The following RAD52 variants were observed in gnomAD, a reference collection of about 807,000 sequenced individuals.
RAD52 encodes RAD52 DNA repair protein, also known as DNA repair protein RAD52 homolog.
In RAD52, 47 loss-of-function variants were observed where a neutral mutation model predicts 55.5. The observed-to-expected ratio is 0.85, with a 90% CI of 0.67 to 1.08. RAD52 has a LOEUF of 1.08. Among genes scored for constraint, RAD52 ranks in the 50% least tolerant of loss-of-function variants. The probability of loss-of-function intolerance (pLI) is 0.00; values close to 1 mark genes in which losing one functional copy is unlikely to be tolerated. For synonymous variants in RAD52, 184 were observed against 198.9 expected (o/e 0.92, Z 0.63); for missense variants, 468 against 522.8 (o/e 0.90, Z 1.02).
intron 11 of RAD52, 61 bp downstream of exon 11, chr12:913,833 A>C (rs1222163936): frequency 4.1e-6 from 6 of 1,470,624 alleles, no homozygotes; most frequent in Non-Finnish European, 5.7e-6. Context: ...TTCCTCAAAA[A>C]TTCCCAGAAT....
intron 5 of RAD52, among the ~76,000 whole-genome samples, chr12:928,926 G>A (rs1375376362): frequency 4.6e-5 from 7 of 152,068 alleles, no homozygotes; most frequent in East Asian, 1.9e-4. Flanking sequence ...GTTCAGTGGC[G>A]CAATCACAGC....
chr12:953,622 A>C (rs1446648027), upstream of RAD52, among the ~76,000 whole-genome samples: 1 of 152,186 alleles, frequency 6.6e-6, no homozygotes, highest in East Asian at 1.9e-4. Context: ...CAAGTTCTTT[A>C]ATCTGGGACT....
upstream of RAD52, chr12:990,442 C>G (rs1235152312): frequency 6.6e-6 from 1 of 152,132 alleles, no homozygotes; most frequent in African/African-American, 2.4e-5. Flanking sequence ...CCCAGCCGCC[C>G]GCCGATTCGC....
At chr12:952,871 G>T (rs1241531191), upstream of RAD52, among the ~76,000 whole-genome samples, 1 of 120,680 alleles carries the variant, frequency 8.3e-6, no homozygotes, top group African/African-American at 3.2e-5. Flanking sequence ...GAGCCTGGGC[G>T]ACAAGAACAA....
intron 1 of RAD52, among the ~76,000 whole-genome samples, chr12:948,998 C>T (rs551342973): frequency 4.5e-4 from 68 of 152,260 alleles, no homozygotes; most frequent in African/African-American, 1.6e-3. Flanking sequence ...CGCGCCAGAC[C>T]TCTATCTCAA....
At chr12:936,617 A>T (rs1957646875) in intron 1 of RAD52, among the ~76,000 whole-genome samples, 1 of 152,008 alleles carries the variant, frequency 6.6e-6, no homozygotes, top group South Asian at 2.1e-4. Flanking sequence ...TGCGGCCTCC[A>T]GAGTAGACAG....
intron 1 of RAD52, among the ~76,000 whole-genome samples, chr12:978,216 CT>C (rs1201842596): frequency 8.1e-5 from 12 of 147,886 alleles, no homozygotes; most frequent in Non-Finnish European, 9.0e-5. Flanking sequence ...GCTAATTTTT[CT>C]TTTTTTTTTG....
At chr12:919,508 G>A (rs1956593766) in intron 7 of RAD52, among the ~76,000 whole-genome samples, 1 of 152,094 alleles carries the variant, frequency 6.6e-6, no homozygotes, top group South Asian at 2.1e-4. Context: ...AACTTTGGGA[G>A]GCCAAGGCAG....
chr12:917,954 A>G (rs1305398122), intron 7 of RAD52, among the ~76,000 whole-genome samples: 2 of 152,068 alleles, frequency 1.3e-5, no homozygotes, highest in Non-Finnish European at 2.9e-5. Context: ...AAAAGAAACG[A>G]GCTTTGAAAA....
chr12:967,025 A>C (rs1958780141), intron 1 of RAD52, among the ~76,000 whole-genome samples: 1 of 151,980 alleles, frequency 6.6e-6, no homozygotes, highest in Admixed American at 6.6e-5. Context: ...TGCTTGGTGC[A>C]AATTATAAAT....
intron 1 of RAD52, among the ~76,000 whole-genome samples, chr12:969,254 G>A (rs1958808938): frequency 1.3e-5 from 2 of 151,860 alleles, no homozygotes; most frequent in Non-Finnish European, 2.9e-5. Flanking sequence ...AGATACTGAG[G>A]AACAACTACA....
At chr12:986,928 T>G (rs1959093943) in intron 1 of RAD52, among the ~76,000 whole-genome samples, 1 of 152,130 alleles carries the variant, frequency 6.6e-6, no homozygotes, top group African/African-American at 2.4e-5. Context: ...CCCTGATTTC[T>G]CCCTCATTTT....
At chr12:965,541 C>T (rs1363785277) in intron 1 of RAD52, among the ~76,000 whole-genome samples, 1 of 152,036 alleles carries the variant, frequency 6.6e-6, no homozygotes, top group Non-Finnish European at 1.5e-5. Context: ...TGTCCTCCTC[C>T]CTAGTGAACA....
chr12:970,916 TAGAGAG>T lies in RAD52; in HGVS notation c.-19+18887_-19+18892del, dbSNP rs202042008. Among the ~76,000 whole-genome samples, 9 of 149,642 alleles carry T rather than the reference TAGAGAG, an allele frequency of 6.0e-5. No homozygotes were observed. In the South Asian group the frequency reaches 1.1e-3, roughly 17 times the overall value. ...ATATATTTTGAACCAAATATATACGTAGAGAGAGAGAGACAGGAAATAAATCGATAC... is the reference window on the plus strand; with the variant it reads ...ATATATTTTGAACCAAATATATACGTAGAGAGACAGGAAATAAATCGATAC... On this transcript the variant is annotated intron_variant, in intron 1 of 11. Transcript: ENST00000430095.
chr12:984,339 G>A (rs1959058395), intron 1 of RAD52, among the ~76,000 whole-genome samples: 1 of 152,014 alleles, frequency 6.6e-6, no homozygotes, highest in South Asian at 2.1e-4. Context: ...GGGATTCTAG[G>A]TGCCTGCCAC....
In RAD52 at chr12:912,014, ACC is replaced by A. The variant is rs59676475; in HGVS notation, c.*1375_*1376del. On this transcript the variant is annotated 3_prime_UTR_variant, in exon 12 of 12. Transcript: ENST00000358495. The stretch of plus-strand genomic sequence containing the variant: ...ACTCCAGCCTGCGCTACAGAGCCAG[ACC>A]CCCCCTCTCAAAAAAAAAGTTGTTA... The A allele has an allele frequency of 1.5e-5, 3 of 196,110 alleles. No homozygotes were observed. The highest frequency in any genetic ancestry group is 7.9e-5 in the East Asian group (1 of 12,648). 12.1% of individuals were successfully genotyped at this position (196,110 alleles called of 1,614,324 possible).
At chr12:932,815 A>AGGTAC (rs1565672972) in intron 2 of RAD52, among the ~76,000 whole-genome samples, 160 bp downstream of exon 2, 7 of 85,412 alleles carry the variant, frequency 8.2e-5, no homozygotes, top group African/African-American at 2.3e-4. Context: ...GGTACTGCTC[A>AGGTAC]CACACGTACT....
chr12:980,357 G>A lies in RAD52; in HGVS notation c.-19+9452C>T, dbSNP rs539127186. Reference sequence around the variant, plus strand: ...CCCCCAGGCTGGAGTACAATGGTGCGATCTTGGCCCACTGCAACCTCTGCC... The same window carrying A: ...CCCCCAGGCTGGAGTACAATGGTGCAATCTTGGCCCACTGCAACCTCTGCC... On this transcript the variant is annotated intron_variant, in intron 1 of 11. Coordinates refer to the RAD52 transcript ENST00000430095. Among the ~76,000 whole-genome samples the A allele has an allele frequency of 6.0e-5, 9 of 149,940 alleles. No homozygotes were observed. The South Asian group carries it at 1.3e-3, about 21-fold the overall frequency.
intron 1 of RAD52, among the ~76,000 whole-genome samples, chr12:960,275 A>T (rs1958665815): frequency 6.6e-6 from 1 of 152,188 alleles, no homozygotes; most frequent in Non-Finnish European, 1.5e-5. Context: ...AAAATAACAG[A>T]TATGGAAAAT....
Sources: allele counts gnomAD v4.1 joint callset (sites outside exome capture counted in the v4.1 genomes callset), GRCh38; gene constraint gnomAD v4.1.1; transcripts MANE v1.5; gene names NCBI Gene and HGNC (gene_info 2026-07-23, HGNC 2026-07-21).